SH3GL2: variants seen among roughly 807,000 people sequenced by gnomAD.
The protein encoded by SH3GL2 is SH3 domain containing GRB2 like 2, endophilin A1.
In SH3GL2, 24 loss-of-function variants were observed where a neutral mutation model predicts 46.0. That is an observed-to-expected ratio of 0.52 (90% confidence interval 0.38 to 0.73). SH3GL2 has a LOEUF of 0.73. Among genes scored for constraint, SH3GL2 ranks in the 30% least tolerant of loss-of-function variants. The probability of loss-of-function intolerance (pLI) is 0.00; values close to 1 mark genes in which losing one functional copy is unlikely to be tolerated. For synonymous variants in SH3GL2, 196 were observed against 147.1 expected, an observed-to-expected ratio of 1.33 and a Z score of -2.40; for missense variants, 413 against 424.2, an observed-to-expected ratio of 0.97 and a Z score of 0.23.
intron 1 of SH3GL2, among the ~76,000 whole-genome samples, chr9:17,645,135 A>G (rs1298771245): frequency 7.5e-6 from 1 of 132,956 alleles, no homozygotes; most frequent in Non-Finnish European, 1.6e-5. Flanking sequence ...ATCAGAGACT[A>G]GGATTGCAAA....
intron 1 of SH3GL2, among the ~76,000 whole-genome samples, chr9:17,615,993 G>C (rs977228798): frequency 6.6e-6 from 1 of 152,142 alleles, no homozygotes; most frequent in East Asian, 1.9e-4. Context: ...ACCCCAGAGA[G>C]ATGTTTCTGG....
intron 3 of SH3GL2, among the ~76,000 whole-genome samples, chr9:17,782,725 AG>A (rs1326685337): frequency 1.3e-5 from 2 of 152,270 alleles, no homozygotes; most frequent in South Asian, 4.1e-4. Flanking sequence ...GCTTTACCTA[AG>A]GGTTTGAAAA....
intron 1 of SH3GL2, among the ~76,000 whole-genome samples, chr9:17,652,438 GTTTTTGTAA>G (rs1400934246): frequency 2.6e-5 from 4 of 151,998 alleles, no homozygotes; most frequent in African/African-American, 4.8e-5. Context: ...ATCTGGTGGA[GTTTTTGTAA>G]TTTTTTGAGG....
intron 1 of SH3GL2, among the ~76,000 whole-genome samples, chr9:17,742,957 G>A (rs1234714447): frequency 6.6e-6 from 1 of 152,082 alleles, no homozygotes; most frequent in Admixed American, 6.6e-5. Context: ...TGGCAAATAT[G>A]TTAGTCAAAG....
chr9:17,643,335 C>G (rs1229137393), intron 1 of SH3GL2, among the ~76,000 whole-genome samples: 1 of 152,172 alleles, frequency 6.6e-6, no homozygotes, highest in Non-Finnish European at 1.5e-5. Flanking sequence ...CATCTGCAGA[C>G]AATAGTTTGA....
At chr9:17,659,213 A>G (rs1820157186) in intron 1 of SH3GL2, among the ~76,000 whole-genome samples, 2 of 152,174 alleles carry the variant, frequency 1.3e-5, no homozygotes, top group South Asian at 4.1e-4. Context: ...GGGATCCCAT[A>G]TTATAGAGAA....
intron 1 of SH3GL2, among the ~76,000 whole-genome samples, chr9:17,696,582 AAGG>A (rs1370583140): frequency 2.0e-5 from 3 of 152,142 alleles, no homozygotes; most frequent in African/African-American, 4.8e-5. Context: ...GGGCGGTAGG[AAGG>A]AGAAGTGCCG....
At chr9:17,605,002 G>T (rs1452904212) in intron 1 of SH3GL2, among the ~76,000 whole-genome samples, 3 of 149,352 alleles carry the variant, frequency 2.0e-5, no homozygotes, top group Non-Finnish European at 3.0e-5. Context: ...TTTGAAATGG[G>T]GTCTTTGTGT....
intron 1 of SH3GL2, among the ~76,000 whole-genome samples, chr9:17,624,755 A>T (rs1819242120): frequency 2.6e-5 from 4 of 152,134 alleles, no homozygotes; most frequent in Admixed American, 1.3e-4. Context: ...CTAGCCCTGG[A>T]GCCATCTGTT....
intron 1 of SH3GL2, among the ~76,000 whole-genome samples, chr9:17,635,295 T>C (rs950238560): frequency 6.6e-6 from 1 of 152,240 alleles, no homozygotes; most frequent in Non-Finnish European, 1.5e-5. Context: ...GCTTCATCCA[T>C]GTCCCTGCAA....
chr9:17,795,800 G>A lies in SH3GL2; in HGVS notation c.*57G>A, dbSNP rs546479213. The A allele has an allele frequency of 1.4e-4, 200 of 1,407,420 alleles. No individual in the cohort carries two copies. The highest frequency in any genetic ancestry group is 4.7e-4 in the Admixed American group (27 of 57,210). The allele number at this position is 1,407,420 out of a possible 1,614,324, so 87.2% of individuals were successfully genotyped here. On this transcript the variant is annotated 3_prime_UTR_variant, in exon 9 of 9. Coordinates refer to ENST00000380607, the MANE Select transcript of SH3GL2 (RefSeq NM_003026.5). ...ACCCAGATAGTTACGGTTAACCACT[G>A]CTTTGGCAATGCTGCTTATAACACA...
At chr9:17,674,762 G>T (rs1439287611) in intron 1 of SH3GL2, among the ~76,000 whole-genome samples, 1 of 152,090 alleles carries the variant, frequency 6.6e-6, no homozygotes, top group East Asian at 1.9e-4. Flanking sequence ...TGTCAGCTCT[G>T]CCTCCCTCTC....
At chr9:17,714,282 A>T (rs574073544) in intron 1 of SH3GL2, among the ~76,000 whole-genome samples, 2 of 151,888 alleles carry the variant, frequency 1.3e-5, no homozygotes, top group East Asian at 3.9e-4. Flanking sequence ...GTAAGCAAAT[A>T]TCGTTGGGTC....
chr9:17,743,601 C>CACACACACA (rs1554645790), intron 1 of SH3GL2, among the ~76,000 whole-genome samples: 4 of 145,722 alleles, frequency 2.7e-5, no homozygotes, highest in South Asian at 2.1e-4. Context: ...CACACACACA[C>CACACACACA]CCCAAATAGT....
chr9:17,680,251 T>C (rs1820733104), intron 1 of SH3GL2, among the ~76,000 whole-genome samples: 1 of 152,182 alleles, frequency 6.6e-6, no homozygotes, highest in Non-Finnish European at 1.5e-5. Context: ...TGTGAATCTG[T>C]CTGGTCCTGG....
At chr9:17,689,363 A>G (rs78203574) in intron 1 of SH3GL2, among the ~76,000 whole-genome samples, 13,012 of 152,196 alleles carry the variant, frequency 0.085, 713 homozygotes, top group Admixed American at 0.18. Flanking sequence ...AATGGCCACT[A>G]GGTAATAAAG....
At chr9:17,744,371 T>TC (rs1822619984) in intron 1 of SH3GL2, among the ~76,000 whole-genome samples, 1 of 145,100 alleles carries the variant, frequency 6.9e-6, no homozygotes, top group East Asian at 2.0e-4. Flanking sequence ...CACTTGAAAT[T>TC]TTTTTTTTTT....
intron 1 of SH3GL2, among the ~76,000 whole-genome samples, chr9:17,655,574 T>A (rs1014340595): frequency 6.6e-6 from 1 of 152,244 alleles, no homozygotes; most frequent in African/African-American, 2.4e-5. Context: ...ACATTGCATC[T>A]TATCAATAAG....
At chr9:17,724,565 G>A (rs1821976457) in intron 1 of SH3GL2, among the ~76,000 whole-genome samples, 1 of 152,130 alleles carries the variant, frequency 6.6e-6, no homozygotes, top group Middle Eastern at 3.4e-3. Context: ...GGGGGTGTGT[G>A]TGTGGATATG....
Sources: allele counts gnomAD v4.1 joint callset (sites outside exome capture counted in the v4.1 genomes callset), GRCh38; gene constraint gnomAD v4.1.1; transcripts MANE v1.5; gene names NCBI Gene and HGNC (gene_info 2026-07-23, HGNC 2026-07-21).